Variants in MED26 observed in about 807,000 individuals in gnomAD.
MED26 encodes mediator of RNA polymerase II transcription subunit 26.
In MED26, 7 loss-of-function variants were observed where a neutral mutation model predicts 43.7. The ratio of observed to expected loss-of-function variants is 0.16; its 90% CI spans 0.09 to 0.30. MED26 has a LOEUF of 0.30. Ranked by LOEUF, MED26 falls within the 10% of genes least tolerant of loss-of-function variation. The pLI, the probability that MED26 is intolerant of heterozygous loss-of-function variation, is 1.00. For missense variants in MED26, 784 were observed against 840.6 expected (o/e 0.93, Z 0.83); for synonymous variants, 375 against 371.1 (o/e 1.01, Z -0.12).
At chr19:16,610,121 G>A (rs1324250382) in intron 1 of MED26, among the ~76,000 whole-genome samples, 1 of 151,948 alleles carries the variant, frequency 6.6e-6, no homozygotes, top group Non-Finnish European at 1.5e-5. Context: ...TTAGTGAGGT[G>A]TGGTGGCTAG....
At chr19:16,580,785 T>A (rs1235021233) in intron 1 of MED26, among the ~76,000 whole-genome samples, 1 of 152,146 alleles carries the variant, frequency 6.6e-6, no homozygotes, top group Non-Finnish European at 1.5e-5. Flanking sequence ...CCTCCCCTTA[T>A]GCTCAAAGCC....
chr19:16,577,752 TG>T lies in MED26; in HGVS notation c.148-71del. The T allele has an allele frequency of 7.6e-7, 1 of 1,311,322 alleles. No individual in the cohort carries two copies. The highest frequency in any genetic ancestry group is 1.0e-6 in the Non-Finnish European group (1 of 955,280). The allele number at this position is 1,311,322 out of a possible 1,614,324, so 81.2% of individuals were successfully genotyped here. A position where few individuals can be genotyped will look rare whatever the true frequency, so the allele number is the denominator to read the frequency against. ...TCTCCATGAGCTGAGCCAGAAATGG[TG>T]GGAAGTGGCCCTGACAGTGAAATGA... On this transcript the variant is annotated intron_variant, in intron 2 of 2. Transcript: ENST00000263390. This position sits in a 1 kb window ranked among gnomAD's most constrained non-coding sequence, Gnocchi z 8.1.
At chr19:16,578,166 T>TGCCCG in intron 2 of MED26, 169 bp downstream of exon 2, 1 of 684,060 alleles carries the variant, frequency 1.5e-6, no homozygotes, top group South Asian at 1.7e-5. Context: ...GTCTCTGCAG[T>TGCCCG]GCCCGTGGGA....
chr19:16,595,185 CCT>C lies in MED26; in HGVS notation c.73-16778_73-16777del, dbSNP rs146524159. On this transcript the variant is annotated intron_variant, in intron 1 of 2. Transcript: ENST00000263390. Reference sequence around the variant, plus strand: ...CCAGTAGGTGCCTCTGCGTTGGACCCCTGTTTCAAAGCCCTGAGATGGTTGAC... The same window carrying C: ...CCAGTAGGTGCCTCTGCGTTGGACCCGTTTCAAAGCCCTGAGATGGTTGAC... 5.8e-3 allele frequency among the ~76,000 whole-genome samples: 891 copies of C among 152,318 alleles called. 4 individuals carry two copies. Among genetic ancestry groups the C allele is most frequent in the Non-Finnish European group, 0.01 (698 of 68,036 alleles).
Position 16,577,676 on chromosome 19 carries a change from G to T in MED26, c.154C>A (p.Arg52=). The T allele has an allele frequency of 6.4e-7, 1 of 1,569,324 alleles. No individual in the cohort carries two copies. Among genetic ancestry groups the T allele is most frequent in the Non-Finnish European group, 8.7e-7 (1 of 1,152,062 alleles). ...PITKEALEET[R]LGKLINDVRK... Reference sequence around the variant, plus strand: ...ACGTCGTTGATGAGCTTCCCAAGTCGTGTTTCCTACAACCAGAGGGAGATG... The same window carrying T: ...ACGTCGTTGATGAGCTTCCCAAGTCTTGTTTCCTACAACCAGAGGGAGATG... The change falls in exon 3 of 3, where the codon CGA becomes AGA. Residue 52 remains arginine (R), a synonymous_variant. Transcript: ENST00000263390. The surrounding 1 kb of genome is among the most constrained non-coding windows in gnomAD (Gnocchi z 8.1).
At chr19:16,594,864 G>A (rs1385309513) in intron 1 of MED26, among the ~76,000 whole-genome samples, 1 of 152,128 alleles carries the variant, frequency 6.6e-6, no homozygotes, top group East Asian at 1.9e-4. Flanking sequence ...AAAAGTGCTG[G>A]CTCTGGACCC....
Position 16,577,357 on chromosome 19 carries a change from T to C in MED26, c.473A>G (p.His158Arg), listed in dbSNP as rs1410378487. ...GGAGACCTTGGGTGGCGGCCCTGGG[T>C]GGCCGAGGTCACGCTGGTCACCCCG... ...KRRGDQRDLG[H>R]PGPPPKVSKA... The change falls in exon 3 of 3, where the codon CAC (histidine) becomes CGC (arginine). Residue 158 changes from histidine to arginine, a missense_variant. Physicochemically the swap from His to Arg is conservative, Grantham distance 29. Coordinates refer to ENST00000263390, the MANE Select transcript of MED26 (RefSeq NM_004831.5). This position sits in a 1 kb window ranked among gnomAD's most constrained non-coding sequence, Gnocchi z 8.1. 6.2e-7 allele frequency: 1 copy of C among 1,611,344 alleles called. No homozygotes were observed. The highest frequency in any genetic ancestry group is 8.5e-7 in the Non-Finnish European group (1 of 1,179,074).
chr19:16,602,002 GC>G (rs1424413641), intron 1 of MED26, among the ~76,000 whole-genome samples: 1 of 152,180 alleles, frequency 6.6e-6, no homozygotes, highest in Non-Finnish European at 1.5e-5. Flanking sequence ...CTCAAGGCAG[GC>G]CGGGAAGCCC....
intron 1 of MED26, among the ~76,000 whole-genome samples, chr19:16,595,377 C>G (rs2086115625): frequency 1.3e-5 from 2 of 152,192 alleles, no homozygotes; most frequent in Admixed American, 1.3e-4. Context: ...TCTCACCCTG[C>G]CCCTGTGGTC....
intron 1 of MED26, among the ~76,000 whole-genome samples, chr19:16,589,880 T>C (rs1458458897): frequency 6.6e-6 from 1 of 151,108 alleles, no homozygotes; most frequent in Non-Finnish European, 1.5e-5. Context: ...GAGGGGGAGG[T>C]GTTGGCAAAG....
chr19:16,605,330 C>G (rs893865402), intron 1 of MED26, among the ~76,000 whole-genome samples: 1 of 152,114 alleles, frequency 6.6e-6, no homozygotes, highest in Admixed American at 6.5e-5. Context: ...AGGAAAGTCC[C>G]TAAGTATGGT....
chr19:16,615,645 C>T (rs1450034672), intron 1 of MED26, among the ~76,000 whole-genome samples: 1 of 151,778 alleles, frequency 6.6e-6, no homozygotes, highest in Non-Finnish European at 1.5e-5. Flanking sequence ...ACTTGGGAGG[C>T]TGAGGCAGGA....
chr19:16,617,921 C>G (rs780735321), intron 1 of MED26, among the ~76,000 whole-genome samples: 6 of 152,178 alleles, frequency 3.9e-5, no homozygotes, highest in African/African-American at 1.4e-4. Flanking sequence ...GTTTCCGTCA[C>G]GGCCAGGCAA....
intron 1 of MED26, among the ~76,000 whole-genome samples, chr19:16,580,493 C>T (rs75838150): frequency 0.024 from 3,641 of 152,104 alleles, 131 homozygotes; most frequent in Admixed American, 0.083. Context: ...CTCAGCCTCC[C>T]GAGTAGCTGA....
chr19:16,589,268 T>G (rs2086085397), intron 1 of MED26: 1 of 152,216 alleles, frequency 6.6e-6, no homozygotes, highest in South Asian at 2.1e-4. Flanking sequence ...GTGGATCCCA[T>G]GGTAACCACC....
chr19:16,604,304 G>A (rs1488801331), intron 1 of MED26, among the ~76,000 whole-genome samples: 1 of 152,168 alleles, frequency 6.6e-6, no homozygotes, highest in Non-Finnish European at 1.5e-5. Context: ...ACAGGAAAAT[G>A]GACTCTACAC....
Position 16,575,937 on chromosome 19 carries a change from A to T in MED26, c.*90T>A. The T allele has an allele frequency of 8.9e-7, 1 of 1,124,824 alleles. No homozygotes were observed. The highest frequency in any genetic ancestry group is 1.3e-6 in the Non-Finnish European group (1 of 784,492). The allele number at this position is 1,124,824 out of a possible 1,614,324, so 69.7% of individuals were successfully genotyped here. On this transcript the variant is annotated 3_prime_UTR_variant, in exon 3 of 3. Coordinates refer to ENST00000263390, the MANE Select transcript of MED26 (RefSeq NM_004831.5). ...GGACTCCCCGAGTTCCCAGCGCAGGAGGCAGCTGGGCCCCGGCCACCTGCC... is the reference window on the plus strand; with the variant it reads ...GGACTCCCCGAGTTCCCAGCGCAGGTGGCAGCTGGGCCCCGGCCACCTGCC...
intron 1 of MED26, chr19:16,589,198 C>T (rs945845245): frequency 6.6e-6 from 1 of 152,218 alleles, no homozygotes; most frequent in East Asian, 1.9e-4. Flanking sequence ...ATTCCTGCAA[C>T]GAGGGCCACG....
At chr19:16,583,437 C>T (rs373833652) in intron 1 of MED26, among the ~76,000 whole-genome samples, 2 of 152,178 alleles carry the variant, frequency 1.3e-5, no homozygotes, top group East Asian at 3.9e-4. Flanking sequence ...CCGCCCCTGC[C>T]CACTTAATTT....
Sources: gnomAD v4.1 joint callset for allele counts (sites outside exome capture counted in the v4.1 genomes callset) on GRCh38, gnomAD v4.1.1 for gene constraint, Gnocchi (gnomAD v3.1) non-coding constraint, MANE v1.5 for transcripts, NCBI Gene and HGNC (gene_info 2026-07-23, HGNC 2026-07-21) for gene names.